Variants in FHL2 observed in about 807,000 individuals in gnomAD.
FHL2 encodes the protein four and a half LIM domains 2, also known as four and a half LIM domains protein 2.
In FHL2, 20 loss-of-function variants were observed where a neutral mutation model predicts 32.7. That is an observed-to-expected ratio of 0.61 (90% CI 0.43 to 0.89). FHL2 has a LOEUF of 0.89. Ranked by LOEUF, FHL2 falls within the 40% of genes least tolerant of loss-of-function variation. The pLI is 0.00. For synonymous variants in FHL2, 123 were observed against 128.1 expected, an observed-to-expected ratio of 0.96 and a Z score of 0.27; for missense variants, 311 against 358.6, an observed-to-expected ratio of 0.87 and a Z score of 1.07.
rs540408395 is a variant in FHL2 at position 105,388,250 on chromosome 2, G to A, written c.-24-1710C>T. Among the ~76,000 whole-genome samples the A allele has an allele frequency of 9.2e-5, 14 of 152,164 alleles. No homozygotes were observed. The South Asian group carries it at 2.1e-3, about 23-fold the overall frequency. On this transcript the variant is annotated intron_variant, in intron 2 of 6. Transcript: ENST00000530340. ...TATAACAAACCTGCACATGTACCCC[G>A]AACCTAAAATAAAAGTTTAAAATAA... is the stretch of plus-strand genomic sequence containing the variant.
intron 1 of FHL2, among the ~76,000 whole-genome samples, chr2:105,416,324 A>G (rs1369864582): frequency 1.3e-5 from 2 of 152,234 alleles, no homozygotes; most frequent in Non-Finnish European, 2.9e-5. Flanking sequence ...GACAGCTGGA[A>G]AGCTCAATGC....
chr2:105,435,691 A>T (rs1558738399), intron 1 of FHL2, among the ~76,000 whole-genome samples: 1 of 152,088 alleles, frequency 6.6e-6, no homozygotes, highest in Non-Finnish European at 1.5e-5. Flanking sequence ...ACATGGTGGC[A>T]GGCGCCTGTA....
rs373840876 is a variant in FHL2, at chr2:105,384,996, C to T, written c.156+1365G>A. Among the ~76,000 whole-genome samples the T allele has an allele frequency of 3.3e-5, 5 of 152,322 alleles. No individual in the cohort carries two copies. In the South Asian group the frequency reaches 1.0e-3, roughly 32 times the overall value. ...AAGTCGTCAGGTGCAGTGAGACACGCAGCAGGCAAGACAGGATACAGGAAG... is the reference window on the plus strand; with the variant it reads ...AAGTCGTCAGGTGCAGTGAGACACGTAGCAGGCAAGACAGGATACAGGAAG... On this transcript the variant is annotated intron_variant, in intron 3 of 6. Coordinates refer to ENST00000530340, the MANE Select transcript of FHL2 (RefSeq NM_001318895.3).
intron 6 of FHL2, among the ~76,000 whole-genome samples, chr2:105,362,446 G>T (rs1462934881): frequency 6.6e-6 from 1 of 152,114 alleles, no homozygotes; most frequent in African/African-American, 2.4e-5. Context: ...AAGTACACAG[G>T]GGGTGTATAG....
Position 105,390,683 on chromosome 2 carries a change from T to C in FHL2, c.-24-4143A>G, listed in dbSNP as rs562728789. On this transcript the variant is annotated intron_variant, in intron 2 of 6. Transcript: ENST00000530340. ...ACACAGTTACATACTGCACAAGCCC[T>C]GAGCATCAGAATAAAAAGTCCATGA... Among the ~76,000 whole-genome samples the C allele has an allele frequency of 1.4e-4, 22 of 152,320 alleles. No individual in the cohort carries two copies. In the South Asian group the frequency reaches 4.6e-3, roughly 32 times the overall value.
At chr2:105,428,048 G>A (rs1221997020) in intron 1 of FHL2, among the ~76,000 whole-genome samples, 1 of 152,206 alleles carries the variant, frequency 6.6e-6, no homozygotes, top group Non-Finnish European at 1.5e-5. Flanking sequence ...CTCACATTAA[G>A]CAAAGGATCA....
chr2:105,408,194 A>G (rs1683693171), intron 1 of FHL2, among the ~76,000 whole-genome samples: 1 of 152,198 alleles, frequency 6.6e-6, no homozygotes, highest in African/African-American at 2.4e-5. Flanking sequence ...GAGATGGCCC[A>G]CATATGACCA....
At position 105,384,580 on chromosome 2, in the gene FHL2, T is replaced by C. The variant is rs557602777; in HGVS notation, c.156+1781A>G. Reference sequence around the variant, plus strand: ...TGGAGTGCAGTGGCATGATCTCGGCTCACTGTAACTTCTGCCTCCCAGGTT... The same window carrying C: ...TGGAGTGCAGTGGCATGATCTCGGCCCACTGTAACTTCTGCCTCCCAGGTT... On this transcript the variant is annotated intron_variant, in intron 3 of 6. Transcript: ENST00000530340. 7.9e-5 allele frequency among the ~76,000 whole-genome samples: 12 copies of C among 152,280 alleles called. No individual in the cohort carries two copies. The South Asian group carries it at 2.5e-3, about 32-fold the overall frequency.
At chr2:105,375,158 T>TGTGTGC (rs1491331786) in intron 3 of FHL2, 9 of 145,158 alleles carry the variant, frequency 6.2e-5, no homozygotes, top group Non-Finnish European at 1.4e-4. Flanking sequence ...TGTGTGTGTG[T>TGTGTGC]GCGCGTGCGT....
chr2:105,393,231 C>T (rs528468673), intron 2 of FHL2, among the ~76,000 whole-genome samples: 24 of 152,232 alleles, frequency 1.6e-4, no homozygotes, highest in African/African-American at 5.1e-4. Context: ...CCCTTTGAAA[C>T]CCCAAGTGCT....
At position 105,434,566 on chromosome 2, in the gene FHL2, T is replaced by A. The variant is rs144240231; in HGVS notation, c.-25+3833A>T. The stretch of plus-strand genomic sequence containing the variant: ...TTGGGCAACAGAGTGAGACTCCATC[T>A]CAAAAAAAAAACAAAACAAACAAAC... On this transcript the variant is annotated intron_variant, in intron 1 of 5. Transcript: ENST00000393352. 8.2e-3 allele frequency among the ~76,000 whole-genome samples: 1,233 copies of A among 150,384 alleles called. 4 individuals carry two copies. Among genetic ancestry groups the A allele is most frequent in the Middle Eastern group, 0.017 (5 of 292 alleles).
Position 105,419,358 on chromosome 2 carries a change from T to G in FHL2, c.-25+19041A>C, listed in dbSNP as rs181488431. Reference sequence around the variant, plus strand: ...TTGTAGTCTTTTATCCCTCACCCCCTTCCCACCCTTTCTCCAAGAGTCCCC... The same window carrying G: ...TTGTAGTCTTTTATCCCTCACCCCCGTCCCACCCTTTCTCCAAGAGTCCCC... On this transcript the variant is annotated intron_variant, in intron 1 of 5. Coordinates refer to the FHL2 transcript ENST00000393352. 2.7e-3 allele frequency among the ~76,000 whole-genome samples: 418 copies of G among 152,320 alleles called. 11 individuals are homozygous for G. The highest frequency in any genetic ancestry group is 0.025 in the Admixed American group (377 of 15,304).
chr2:105,402,868 A>T (rs1477947774), upstream of FHL2, among the ~76,000 whole-genome samples: 1 of 152,266 alleles, frequency 6.6e-6, no homozygotes, highest in African/African-American at 2.4e-5. Context: ...TGTGTATTGA[A>T]TAAGTGACAG....
At chr2:105,425,455 T>G (rs7349427) in intron 1 of FHL2, among the ~76,000 whole-genome samples, 2 of 152,040 alleles carry the variant, frequency 1.3e-5, no homozygotes, top group Admixed American at 1.3e-4. Flanking sequence ...AAGACCTGAC[T>G]GTCCCCCAGC....
intron 6 of FHL2, among the ~76,000 whole-genome samples, chr2:105,362,856 A>G (rs113810365): frequency 6.6e-6 from 1 of 152,342 alleles, no homozygotes; most frequent in East Asian, 1.9e-4. Flanking sequence ...TCATATAGCT[A>G]TGGCCTTGTG....
At chr2:105,371,201 C>G (rs1279690166) in intron 4 of FHL2, among the ~76,000 whole-genome samples, 2 of 151,990 alleles carry the variant, frequency 1.3e-5, no homozygotes, top group East Asian at 3.8e-4. Context: ...GTTGTTTGGT[C>G]AAAAAACAGG....
chr2:105,376,904 A>G (rs2104548042), intron 3 of FHL2, among the ~76,000 whole-genome samples: 1 of 152,232 alleles, frequency 6.6e-6, no homozygotes, highest in Middle Eastern at 3.4e-3. Context: ...AAGTGAAACG[A>G]CAAATCGGTC....
chr2:105,421,810 C>T lies in FHL2; in HGVS notation c.-25+16589G>A, dbSNP rs75000786. On this transcript the variant is annotated intron_variant, in intron 1 of 5. Transcript: ENST00000393352. The stretch of plus-strand genomic sequence containing the variant: ...CTTCTGTGATGCAGAGGGCACAGTT[C>T]CATGCATGAGCTTGCAATGCAGTCT... 9.8e-5 allele frequency among the ~76,000 whole-genome samples: 15 copies of T among 152,318 alleles called. No homozygotes were observed. In the East Asian group the frequency reaches 2.7e-3, roughly 27 times the overall value.
intron 4 of FHL2, among the ~76,000 whole-genome samples, chr2:105,370,651 C>T (rs780562222): frequency 1.2e-4 from 18 of 152,122 alleles, no homozygotes; most frequent in Non-Finnish European, 2.1e-4. Context: ...TGTGCACTGA[C>T]GCTGTAAACC....
Sources: gnomAD v4.1 joint callset for allele counts (sites outside exome capture counted in the v4.1 genomes callset) on GRCh38, gnomAD v4.1.1 for gene constraint, MANE v1.5 for transcripts, NCBI Gene and HGNC (gene_info 2026-07-23, HGNC 2026-07-21) for gene names.